The following MDFIC2 variants were observed in gnomAD, a reference collection of about 807,000 sequenced individuals.
MDFIC2 encodes MyoD family inhibitor domain containing 2.
intron 2 of MDFIC2, chr3:70,249,164 A>T (rs540861636): frequency 2.0e-5 from 3 of 152,176 alleles, no homozygotes; most frequent in Admixed American, 6.6e-5. Context: ...ACCAAGTTCT[A>T]CATTAGGAAC....
intron 2 of MDFIC2, chr3:70,249,785 G>A (rs909637014): frequency 1.3e-5 from 2 of 152,114 alleles, no homozygotes; most frequent in Non-Finnish European, 2.9e-5. Context: ...TAAGATTAGA[G>A]TTGCTAAGAT....
chr3:70,299,862 C>T (rs1354371135), intron 2 of MDFIC2, among the ~76,000 whole-genome samples: 1 of 152,080 alleles, frequency 6.6e-6, no homozygotes, highest in Non-Finnish European at 1.5e-5. Flanking sequence ...ATTCAGTTTA[C>T]ACTCTTCAAC....
At chr3:70,224,582 T>C (rs1467462336) in intron 2 of MDFIC2, among the ~76,000 whole-genome samples, 3 of 152,182 alleles carry the variant, frequency 2.0e-5, no homozygotes, top group Non-Finnish European at 4.4e-5. Flanking sequence ...ACTAAGTGTC[T>C]GACTTTACAA....
intron 2 of MDFIC2, among the ~76,000 whole-genome samples, chr3:70,266,594 T>A (rs1701919060): frequency 6.6e-6 from 1 of 151,432 alleles, no homozygotes; most frequent in Non-Finnish European, 1.5e-5. Flanking sequence ...AAGGGTGAAT[T>A]TTTTTATTTT....
intron 2 of MDFIC2, among the ~76,000 whole-genome samples, chr3:70,210,632 A>C (rs540209186): frequency 6.6e-6 from 1 of 152,278 alleles, no homozygotes; most frequent in South Asian, 2.1e-4. Context: ...TCTGTAGAGA[A>C]AATTATTTTA....
chr3:70,198,188 G>A (rs1450063071), intron 3 of MDFIC2, among the ~76,000 whole-genome samples: 3 of 152,128 alleles, frequency 2.0e-5, no homozygotes, highest in African/African-American at 4.8e-5. Flanking sequence ...ATGATTGAAA[G>A]TAACATTCTA....
At chr3:70,292,311 A>G (rs183493066) in intron 2 of MDFIC2, among the ~76,000 whole-genome samples, 22 of 152,288 alleles carry the variant, frequency 1.4e-4, no homozygotes, top group Middle Eastern at 3.4e-3. Flanking sequence ...TATAGTATCT[A>G]TCTATTAGAA....
chr3:70,203,567 T>G (rs1303375294), intron 3 of MDFIC2, among the ~76,000 whole-genome samples: 1 of 152,184 alleles, frequency 6.6e-6, no homozygotes, highest in Non-Finnish European at 1.5e-5. Flanking sequence ...CTTATGTTTT[T>G]TTCTGAGCAA....
chr3:70,276,172 G>A (rs1420230690), intron 2 of MDFIC2, among the ~76,000 whole-genome samples: 1 of 151,938 alleles, frequency 6.6e-6, no homozygotes, highest in Non-Finnish European at 1.5e-5. Flanking sequence ...ATAATGTTAG[G>A]TATATAGCAG....
At chr3:70,214,180 G>C (rs571493286) in intron 2 of MDFIC2, among the ~76,000 whole-genome samples, 1 of 152,146 alleles carries the variant, frequency 6.6e-6, no homozygotes, top group East Asian at 1.9e-4. Flanking sequence ...AATCTAATTG[G>C]GGAGGGAGGA....
At chr3:70,250,876 G>C (rs146369469) in intron 2 of MDFIC2, among the ~76,000 whole-genome samples, 1 of 152,018 alleles carries the variant, frequency 6.6e-6, no homozygotes, top group African/African-American at 2.4e-5. Flanking sequence ...TAGTAAGAAG[G>C]CTTCATCAAA....
At chr3:70,263,014 A>T (rs891639043) in intron 2 of MDFIC2, among the ~76,000 whole-genome samples, 4 of 152,060 alleles carry the variant, frequency 2.6e-5, no homozygotes, top group Non-Finnish European at 5.9e-5. Flanking sequence ...TAGGTATTGC[A>T]TTTCTCTAAA....
In MDFIC2 at chr3:70,246,525, C is replaced by T. The variant is rs149898582; in HGVS notation, c.89-39735G>A. ...CTATCAGACTTATCAAACAGAAACA[C>T]GAGATGCACAATTTAATTTGAATTT... On this transcript the variant is annotated intron_variant, in intron 2 of 3. Transcript: ENST00000567252. 3.8e-4 allele frequency among the ~76,000 whole-genome samples: 58 copies of T among 152,038 alleles called. No homozygotes were observed. The East Asian group carries it at 4.3e-3, about 11-fold the overall frequency.
At chr3:70,300,851 A>G (rs895270098) in intron 2 of MDFIC2, among the ~76,000 whole-genome samples, 1 of 152,044 alleles carries the variant, frequency 6.6e-6, no homozygotes, top group Non-Finnish European at 1.5e-5. Flanking sequence ...CCAAATTTGG[A>G]CACTCCAAGG....
At chr3:70,301,608 G>T (rs1332640124) in intron 2 of MDFIC2, among the ~76,000 whole-genome samples, 1 of 151,998 alleles carries the variant, frequency 6.6e-6, no homozygotes, top group Non-Finnish European at 1.5e-5. Flanking sequence ...TTTACAGTAG[G>T]AATGGTTTGT....
intron 2 of MDFIC2, among the ~76,000 whole-genome samples, chr3:70,218,677 G>C (rs1449450355): frequency 3.9e-5 from 6 of 152,008 alleles, no homozygotes; most frequent in Non-Finnish European, 7.4e-5. Context: ...TTCCTGACAA[G>C]GATGTGCAGA....
chr3:70,293,497 C>T (rs1702259815), intron 2 of MDFIC2, among the ~76,000 whole-genome samples: 1 of 152,006 alleles, frequency 6.6e-6, no homozygotes, highest in Non-Finnish European at 1.5e-5. Context: ...GCTGATCCTA[C>T]TATTGTGATG....
At chr3:70,274,486 T>C (rs939336226) in intron 2 of MDFIC2, among the ~76,000 whole-genome samples, 2 of 152,206 alleles carry the variant, frequency 1.3e-5, no homozygotes, top group Non-Finnish European at 2.9e-5. Flanking sequence ...AAATAATTAA[T>C]GTTAAGTTGA....
chr3:70,215,909 C>T (rs1276611504), intron 2 of MDFIC2, among the ~76,000 whole-genome samples: 6 of 152,122 alleles, frequency 3.9e-5, no homozygotes, highest in African/African-American at 1.4e-4. Context: ...TCTCTGTAGA[C>T]TAACTGATCC....
Sources: allele counts gnomAD v4.1 joint callset (sites outside exome capture counted in the v4.1 genomes callset), GRCh38; gene constraint gnomAD v4.1.1; transcripts MANE v1.5; gene names NCBI Gene and HGNC (gene_info 2026-07-23, HGNC 2026-07-21).